Variants in GRID1 observed in about 807,000 individuals in gnomAD.
GRID1 encodes glutamate ionotropic receptor delta type subunit 1, also known as glutamate receptor ionotropic, delta-1.
GRID1 carries 28 observed loss-of-function variants against 98.0 expected under a neutral mutation model. The observed-to-expected ratio is 0.29, with a 90% CI of 0.21 to 0.39. The LOEUF (loss-of-function observed/expected upper bound fraction) is 0.39. GRID1 is among the 10% of genes least tolerant of loss of function. GRID1 has a pLI of 1.00. For synonymous variants in GRID1, 553 were observed against 538.5 expected (o/e 1.03, Z -0.37); for missense variants, 1,111 against 1,340.5 (o/e 0.83, Z 2.67).
At chr10:85,644,317 C>T (rs1290757884) in intron 13 of GRID1, 4 of 152,238 alleles carry the variant, frequency 2.6e-5, no homozygotes, top group Non-Finnish European at 5.9e-5. Context: ...AACCTAACAC[C>T]AACTCTGACT....
chr10:86,362,791 T>G (rs1477678933), intron 2 of GRID1, among the ~76,000 whole-genome samples: 1 of 152,192 alleles, frequency 6.6e-6, no homozygotes, highest in Non-Finnish European at 1.5e-5. Flanking sequence ...GCAACCCATG[T>G]GTACCAAAGC....
At chr10:85,896,656 G>A (rs994495280) in intron 5 of GRID1, among the ~76,000 whole-genome samples, 1 of 152,126 alleles carries the variant, frequency 6.6e-6, no homozygotes, top group Non-Finnish European at 1.5e-5. Flanking sequence ...TAGCTAATAA[G>A]CAAAGAAATA....
chr10:86,125,808 AT>A (rs1844744003), intron 4 of GRID1, among the ~76,000 whole-genome samples: 1 of 152,216 alleles, frequency 6.6e-6, no homozygotes, highest in Admixed American at 6.5e-5. Flanking sequence ...CTTCCACTTA[AT>A]GAGTAGTAAA....
intron 3 of GRID1, among the ~76,000 whole-genome samples, chr10:86,151,187 C>T (rs1000738831): frequency 7.9e-5 from 12 of 152,164 alleles, no homozygotes; most frequent in African/African-American, 2.9e-4. Context: ...GCTGAAGGCA[C>T]GTGGGAAGGG....
chr10:86,015,674 CTTGG>C (rs1258742504), intron 4 of GRID1, among the ~76,000 whole-genome samples: 5 of 152,188 alleles, frequency 3.3e-5, no homozygotes, highest in African/African-American at 1.2e-4. Flanking sequence ...CCCAGACTCC[CTTGG>C]TTGCTGCTCA....
chr10:86,187,195 T>C (rs1394833403), intron 3 of GRID1, among the ~76,000 whole-genome samples: 1 of 152,156 alleles, frequency 6.6e-6, no homozygotes, highest in Admixed American at 6.5e-5. Context: ...TCAGAAAAAT[T>C]ACTTCACCTC....
rs534574457 is a variant in GRID1 at position 85,953,430 on chromosome 10, G to A, written c.727-37191C>T. Among the ~76,000 whole-genome samples the A allele has an allele frequency of 1.1e-4, 16 of 152,288 alleles. 1 individual carries two copies. In the South Asian group the frequency reaches 3.3e-3, roughly 32 times the overall value. On this transcript the variant is annotated intron_variant, in intron 4 of 15. Coordinates refer to ENST00000327946, the MANE Select transcript of GRID1 (RefSeq NM_017551.3). ...CTAATGGGTACTAGGCTTAATACCT[G>A]AGTGATGAAATAATCTGAACAACAA...
chr10:85,831,379 C>T (rs965586838), intron 8 of GRID1, among the ~76,000 whole-genome samples: 2 of 151,986 alleles, frequency 1.3e-5, no homozygotes, highest in Non-Finnish European at 2.9e-5. Flanking sequence ...ACCAAACCCC[C>T]ATGACATGCA....
chr10:86,326,781 C>T (rs531720442), intron 2 of GRID1, among the ~76,000 whole-genome samples: 1 of 152,118 alleles, frequency 6.6e-6, no homozygotes, highest in Non-Finnish European at 1.5e-5. Context: ...GGAGCAGGTG[C>T]CAGGTTACCC....
At chr10:86,310,101 T>A (rs142767396) in intron 2 of GRID1, among the ~76,000 whole-genome samples, 3 of 152,358 alleles carry the variant, frequency 2.0e-5, no homozygotes, top group African/African-American at 7.2e-5. Flanking sequence ...GCCAGAATCC[T>A]GTGCCCAGGG....
intron 4 of GRID1, among the ~76,000 whole-genome samples, chr10:86,035,515 G>A (rs1244256874): frequency 6.6e-6 from 1 of 152,230 alleles, no homozygotes; most frequent in Non-Finnish European, 1.5e-5. Flanking sequence ...CAACAGAGGA[G>A]GCACTGGCCA....
intron 13 of GRID1, among the ~76,000 whole-genome samples, chr10:85,622,446 G>C (rs1338853966): frequency 1.3e-5 from 2 of 151,646 alleles, no homozygotes; most frequent in Non-Finnish European, 2.9e-5. Context: ...TTGCTATGTT[G>C]CCCAGGCTGA....
At chr10:86,265,376 A>T (rs189321994) in intron 2 of GRID1, among the ~76,000 whole-genome samples, 76 of 152,348 alleles carry the variant, frequency 5.0e-4, no homozygotes, top group Non-Finnish European at 9.3e-4. Flanking sequence ...AGCCCTGATA[A>T]CCTGTGCCAG....
At chr10:85,936,699 A>G (rs900081147) in intron 4 of GRID1, among the ~76,000 whole-genome samples, 1 of 152,144 alleles carries the variant, frequency 6.6e-6, no homozygotes, top group Non-Finnish European at 1.5e-5. Flanking sequence ...TTTTTGGCAT[A>G]AGGATCCCTT....
intron 4 of GRID1, among the ~76,000 whole-genome samples, chr10:85,965,571 G>C (rs1451710167): frequency 6.6e-6 from 1 of 152,154 alleles, no homozygotes; most frequent in Admixed American, 6.5e-5. Context: ...TCACTCATAA[G>C]TGGGAGTTAA....
rs1200440377 is a variant in GRID1, at chr10:85,602,178, T to C, written c.*95A>G. ...AAGAGTCTCTGTGTATGTGTGTGTG[T>C]GCGAGTGTGTGTGGTTTGTGTTGTT... is the stretch of plus-strand genomic sequence containing the variant. On this transcript the variant is annotated 3_prime_UTR_variant, in exon 16 of 16. Coordinates refer to ENST00000327946, the MANE Select transcript of GRID1 (RefSeq NM_017551.3). 3 of 675,324 alleles carry C rather than the reference T, an allele frequency of 4.4e-6. No homozygotes were observed. The highest frequency in any genetic ancestry group is 2.0e-5 in the South Asian group (1 of 50,420). The allele number at this position is 675,324 out of a possible 1,614,324, so 41.8% of individuals were successfully genotyped here. A position where few individuals can be genotyped will look rare whatever the true frequency, so the allele number is the denominator to read the frequency against.
rs543230361 is a variant in GRID1 at position 85,970,172 on chromosome 10, A to G, written c.727-53933T>C. Reference sequence around the variant, plus strand: ...AACAAGTTAAGAAATTGAATTGGTAATTTTAAAACTTCCCACAAAGTAAAG... The same window carrying G: ...AACAAGTTAAGAAATTGAATTGGTAGTTTTAAAACTTCCCACAAAGTAAAG... On this transcript the variant is annotated intron_variant, in intron 4 of 15. Transcript: ENST00000327946. Among the ~76,000 whole-genome samples the G allele has an allele frequency of 2.0e-5, 3 of 152,254 alleles. No homozygotes were observed. In the South Asian group the frequency reaches 6.2e-4, roughly 32 times the overall value.
At chr10:86,331,825 G>A (rs1292077278) in intron 2 of GRID1, among the ~76,000 whole-genome samples, 1 of 152,222 alleles carries the variant, frequency 6.6e-6, no homozygotes, top group Non-Finnish European at 1.5e-5. Context: ...CAAGCGCTCA[G>A]TAAAAGCAAA....
At chr10:85,949,961 T>G (rs1842099302) in intron 4 of GRID1, among the ~76,000 whole-genome samples, 1 of 151,790 alleles carries the variant, frequency 6.6e-6, no homozygotes, top group South Asian at 2.1e-4. Context: ...GATAGTTGGA[T>G]GGATGGGTGA....
Sources: gnomAD v4.1 joint callset for allele counts (sites outside exome capture counted in the v4.1 genomes callset) on GRCh38, gnomAD v4.1.1 for gene constraint, MANE v1.5 for transcripts, NCBI Gene and HGNC (gene_info 2026-07-23, HGNC 2026-07-21) for gene names.